Variants in CUBN observed in about 807,000 individuals in gnomAD.
CUBN encodes 460 kDa receptor.
Under a neutral mutation model 405.3 loss-of-function variants are expected in CUBN, and 282 were observed. That is an observed-to-expected ratio of 0.70 (90% CI 0.63 to 0.77). CUBN has a LOEUF of 0.77. Ranked by LOEUF, CUBN falls within the 30% of genes least tolerant of loss-of-function variation. The pLI is 0.00. For synonymous variants in CUBN, 1,684 were observed against 1,617.0 expected, an observed-to-expected ratio of 1.04 and a Z score of -0.99; for missense variants, 4,514 against 4,475.2, an observed-to-expected ratio of 1.01 and a Z score of -0.25.
Position 16,925,748 on chromosome 10 carries a change from T to C in CUBN, c.6298A>G (p.Arg2100Gly), listed in dbSNP as rs773011679. 1 of 1,613,902 alleles carries C rather than the reference T, an allele frequency of 6.2e-7. No homozygotes were observed. Among genetic ancestry groups the C allele is most frequent in the African/African-American group, 1.3e-5 (1 of 74,924 alleles). The stretch of plus-strand genomic sequence containing the variant: ...TACTTGGGGGACGTGATGATCCCTC[T>C]GTCTGCATGCAAATATCCACCGCAG... Reference protein sequence around the residue: ...KSCGGYLHADRGIITSPKYPE... With the variant: ...KSCGGYLHADGGIITSPKYPE... The change falls in exon 42 of 67, where the codon AGA becomes GGA. Residue 2100 changes from arginine to glycine, a missense_variant. This residue lies in a region of CUBN where 1,613 missense variants were observed against 1,542.8 expected (regional missense o/e 1.05). Coordinates refer to ENST00000377833, the MANE Select transcript of CUBN (RefSeq NM_001081.4).
chr10:17,002,917 G>A (rs549106557), intron 28 of CUBN, among the ~76,000 whole-genome samples: 4 of 152,114 alleles, frequency 2.6e-5, no homozygotes, highest in Non-Finnish European at 4.4e-5. Context: ...TCAGTATCAC[G>A]ATGCAGAAAC....
At chr10:16,916,053 A>T in intron 45 of CUBN, 23 bp from the exon 46 acceptor site, 1 of 1,601,322 alleles carries the variant, frequency 6.2e-7, no homozygotes, top group Non-Finnish European at 8.5e-7. Flanking sequence ...AAAATAAATA[A>T]ATAAATAAGA....
At chr10:17,091,684 T>C (rs1996316) in intron 14 of CUBN, among the ~76,000 whole-genome samples, 50,486 of 152,104 alleles carry the variant, frequency 0.33, 10,191 homozygotes, top group East Asian at 0.53. Flanking sequence ...CAGAACACTC[T>C]GACCAATGTT....
intron 31 of CUBN, among the ~76,000 whole-genome samples, chr10:16,971,244 C>T (rs988787691): frequency 6.6e-6 from 1 of 152,244 alleles, no homozygotes; most frequent in Non-Finnish European, 1.5e-5. Context: ...TTTATATGAA[C>T]TGAGACTGCA....
chr10:17,122,554 C>A (rs933333832), intron 6 of CUBN: 5 of 560,870 alleles, frequency 8.9e-6, no homozygotes, highest in Non-Finnish European at 1.7e-5. Flanking sequence ...GAGCCTTCTT[C>A]CGGTTCCTTG....
At chr10:16,865,793 G>A (rs1157549397) in intron 59 of CUBN, among the ~76,000 whole-genome samples, 1 of 152,084 alleles carries the variant, frequency 6.6e-6, no homozygotes, top group East Asian at 1.9e-4. Flanking sequence ...ACCTGCTCGG[G>A]TACCCTTCCA....
chr10:17,050,435 T>C (rs769011773), intron 22 of CUBN, among the ~76,000 whole-genome samples: 7 of 152,212 alleles, frequency 4.6e-5, no homozygotes, highest in Non-Finnish European at 1.0e-4. Flanking sequence ...GAGCTGATGA[T>C]GCAAAGATTA....
At chr10:17,011,667 T>C (rs1256739848) in intron 28 of CUBN, among the ~76,000 whole-genome samples, 1 of 150,862 alleles carries the variant, frequency 6.6e-6, no homozygotes, top group Non-Finnish European at 1.5e-5. Context: ...GTCCTGCTGA[T>C]TGGTCCATTT....
At chr10:16,946,399 G>T (rs1588507252) in intron 36 of CUBN, among the ~76,000 whole-genome samples, 1 of 151,556 alleles carries the variant, frequency 6.6e-6, no homozygotes, top group East Asian at 1.9e-4. Context: ...GTGTTATAGT[G>T]CAATGAGGAA....
intron 54 of CUBN, 39 bp from the exon 55 acceptor site, chr10:16,890,566 T>G: frequency 6.2e-7 from 1 of 1,611,378 alleles, no homozygotes; most frequent in South Asian, 1.1e-5. Flanking sequence ...GCTCAAGGGT[T>G]TCCCATCAAT....
chr10:16,925,089 A>G, intron 43 of CUBN, 152 bp downstream of exon 43: 1 of 637,726 alleles, frequency 1.6e-6, no homozygotes. Context: ...AGTAGTCACG[A>G]TGAGATATTG....
chr10:17,127,951 G>T, intron 2 of CUBN, 27 bp from the exon 3 acceptor site: 2 of 1,408,316 alleles, frequency 1.4e-6, no homozygotes, highest in South Asian at 1.2e-5. Flanking sequence ...AAGAAGAAAT[G>T]AAGAGCACTA....
intron 31 of CUBN, among the ~76,000 whole-genome samples, chr10:16,975,970 C>T (rs1588540480): frequency 7.6e-6 from 1 of 131,944 alleles, no homozygotes; most frequent in South Asian, 2.5e-4. Flanking sequence ...ACCTTTATTC[C>T]TTTTTTTTTT....
rs770970636 is a variant in CUBN, at chr10:16,877,030, C to T, written c.8973G>A (p.Met2991Ile). Residue 2991 changes from methionine to isoleucine, a missense_variant, in exon 57 of 67, where the codon ATG (methionine) becomes ATA (isoleucine). Coordinates refer to ENST00000377833, the MANE Select transcript of CUBN (RefSeq NM_001081.4). ...CACACACAGTAGCAAATGGGGTGGA[C>T]ATGACGCTGTAACCTCTGATAATGT... ...GVHIIRGYSV[M>I]STPFATVCGD... 1.9e-6 allele frequency: 3 copies of T among 1,614,070 alleles called. No homozygotes were observed. Among genetic ancestry groups the T allele is most frequent in the Admixed American group, 3.3e-5 (2 of 60,008 alleles).
chr10:17,042,782 T>C (rs1835046069), intron 26 of CUBN, among the ~76,000 whole-genome samples: 1 of 152,182 alleles, frequency 6.6e-6, no homozygotes. Context: ...TTAAAATTCA[T>C]ACATAATCAA....
chr10:16,873,007 C>T lies in CUBN; in HGVS notation c.9236+1367G>A, dbSNP rs573731060. On this transcript the variant is annotated intron_variant, in intron 58 of 66. Transcript: ENST00000377833. The stretch of plus-strand genomic sequence containing the variant: ...GTCTTTCATCAAGACATCTCTTGTT[C>T]ACTTGGAGAGCCAACTGATACATGA... Among the ~76,000 whole-genome samples the T allele has an allele frequency of 2.0e-5, 3 of 152,274 alleles. No homozygotes were observed. In the South Asian group the frequency reaches 6.2e-4, roughly 32 times the overall value.
At chr10:16,827,053 G>A (rs1838805304) in intron 66 of CUBN, among the ~76,000 whole-genome samples, 2 of 152,080 alleles carry the variant, frequency 1.3e-5, no homozygotes, top group Admixed American at 1.3e-4. Flanking sequence ...GCATCCCCGT[G>A]ATACAGTGTC....
At chr10:16,869,562 G>T (rs891109812) in intron 59 of CUBN, 74 bp downstream of exon 59, 26 of 978,596 alleles carry the variant, frequency 2.7e-5, no homozygotes, top group East Asian at 5.0e-5. Flanking sequence ...GGGGGTGGGG[G>T]GGGGGCGGGG....
In CUBN at chr10:16,982,494, G is replaced by A. The variant is rs770647065; in HGVS notation, c.4685C>T (p.Ser1562Phe). The change falls in exon 31 of 67, where the codon TCT (serine) becomes TTT (phenylalanine). Residue 1562 changes from serine to phenylalanine, a missense_variant. By Grantham distance (155) the Ser-to-Phe change is radical (BLOSUM62 -2). This residue lies in a region of CUBN where 1,613 missense variants were observed against 1,542.8 expected (regional missense o/e 1.05). Transcript: ENST00000377833. The part of the protein sequence containing the change: ...FTDFDLEPQD[S>F]CIMAYDGLSS... ...ATTTATGTCACTTACCATAATACAA[G>A]AGTCTTGTGGTTCAAGATCAAAGTC... The A allele has an allele frequency of 1.9e-5, 30 of 1,613,208 alleles. No individual in the cohort carries two copies.
Sources: allele counts gnomAD v4.1 joint callset (sites outside exome capture counted in the v4.1 genomes callset), GRCh38; gene constraint gnomAD v4.1.1; regional missense constraint gnomAD v4.1.1; transcripts MANE v1.5; gene names NCBI Gene and HGNC (gene_info 2026-07-23, HGNC 2026-07-21).